Variants in PLEKHG3 observed in about 807,000 individuals in gnomAD.
The protein encoded by PLEKHG3 is pleckstrin homology and RhoGEF domain containing G3.
Under a neutral mutation model 94.9 loss-of-function variants are expected in PLEKHG3, and 62 were observed. That is an observed-to-expected ratio of 0.65 (90% confidence interval 0.53 to 0.81). The LOEUF is 0.81. PLEKHG3 is among the 30% of genes least tolerant of loss of function. PLEKHG3 has a pLI of 0.00. For missense variants in PLEKHG3, 1,461 were observed against 1,619.3 expected (o/e 0.90, Z 1.68); for synonymous variants, 614 against 654.0 (o/e 0.94, Z 0.93).
rs2080946810 is a variant in PLEKHG3 at position 64,704,874 on chromosome 14, C to T, written c.-40+170C>T. ...GGGCCTGGAACTGTGTTGGCTGCTT[C>T]CCGGGCCACCCTGCCGCAGAGTGCG... On this transcript the variant is annotated intron_variant, in intron 1 of 16. Transcript: ENST00000247226. The surrounding 1 kb of genome is among the most constrained non-coding windows in gnomAD (Gnocchi z 5.6). Among the ~76,000 whole-genome samples the T allele has an allele frequency of 6.6e-6, 1 of 152,240 alleles. No homozygotes were observed. The highest frequency in any genetic ancestry group is 2.4e-5 in the African/African-American group (1 of 41,470).
In PLEKHG3 at chr14:64,742,213, T is replaced by C; in HGVS notation, c.2696T>C (p.Leu899Pro). The C allele has an allele frequency of 6.2e-7, 1 of 1,613,012 alleles. No homozygotes were observed. The highest frequency in any genetic ancestry group is 8.5e-7 in the Non-Finnish European group (1 of 1,179,944). Residue 899 changes from leucine (L) to proline (P), a missense_variant, in exon 16 of 17, where the codon CTG (leucine) becomes CCG (proline). Around this residue, in one of 3 missense-constraint regions of PLEKHG3, gnomAD observed 1,201 missense variants for 1,295.5 expected, o/e 0.93. Transcript: ENST00000247226. ...KELSSSTQGE[L>P]VAPLHPRIVQ... ...CTGAGCAGCAGTACCCAGGGGGAGC[T>C]GGTGGCCCCACTGCACCCCCGCATC...
chr14:64,737,128 C>A, intron 13 of PLEKHG3: 1 of 643,600 alleles, frequency 1.6e-6, no homozygotes, highest in Non-Finnish European at 2.9e-6. Context: ...CAATGAGAGC[C>A]GAGCAACAGG....
chr14:64,708,210 C>T (rs558297890), intron 1 of PLEKHG3, among the ~76,000 whole-genome samples: 15 of 152,324 alleles, frequency 9.8e-5, no homozygotes, highest in African/African-American at 3.6e-4. Flanking sequence ...TGCCCACCCC[C>T]ATCCTACAGA....
rs773022974 is a variant in PLEKHG3 at position 64,727,795 on chromosome 14, G to C, written c.164G>C (p.Ser55Thr). The change falls in exon 2 of 17, where the codon AGC becomes ACC. Residue 55 changes from serine to threonine, a missense_variant. Coordinates refer to ENST00000247226, the MANE Select transcript of PLEKHG3 (RefSeq NM_001308147.2). The surrounding 1 kb of genome is among the most constrained non-coding windows in gnomAD (Gnocchi z 6.0). The part of the protein sequence containing the change: ...PAKNGAGSLR[S>T]RHLPNSNNNS... ...AAGAATGGGGCAGGCTCCCTGAGAA[G>C]CCGGCATCTGCCCAACAGCAACAAC... 1.1e-5 allele frequency: 18 copies of C among 1,610,434 alleles called. No homozygotes were observed. The highest frequency in any genetic ancestry group is 1.4e-5 in the Non-Finnish European group (17 of 1,177,422).
chr14:64,708,875 G>T (rs1033177253), intron 1 of PLEKHG3, among the ~76,000 whole-genome samples: 1 of 145,704 alleles, frequency 6.9e-6, no homozygotes, highest in African/African-American at 2.5e-5. Flanking sequence ...CTGTGATGAA[G>T]GAACTTCCTG....
Position 64,748,274 on chromosome 14 carries a change from C to G in PLEKHG3, c.*4571C>G, listed in dbSNP as rs182169209. On this transcript the variant is annotated 3_prime_UTR_variant, in exon 17 of 17. Transcript: ENST00000247226. ...CAGCTGCAGACAGGATGCAATTGAGCATTTGGCTTTGGGATGCTTTACTGC... is the reference window on the plus strand; with the variant it reads ...CAGCTGCAGACAGGATGCAATTGAGGATTTGGCTTTGGGATGCTTTACTGC... 2 of 152,196 alleles carry G rather than the reference C, an allele frequency of 1.3e-5. No individual in the cohort carries two copies. Among genetic ancestry groups the G allele is most frequent in the Admixed American group, 1.3e-4 (2 of 15,298 alleles). The allele number at this position is 152,196 out of a possible 1,614,324, so 9.4% of individuals were successfully genotyped here.
At position 64,730,685 on chromosome 14, in the gene PLEKHG3, C is replaced by G. The variant is rs774858647; in HGVS notation, c.563C>G (p.Pro188Arg). The G allele has an allele frequency of 6.2e-7, 1 of 1,613,508 alleles. No homozygotes were observed. Among genetic ancestry groups the G allele is most frequent in the Non-Finnish European group, 8.5e-7 (1 of 1,179,446 alleles). Reference protein sequence around the residue: ...DIYTQYCNNYPNSVAALTECM... With the variant: ...DIYTQYCNNYRNSVAALTECM... ...TACACTCAGTATTGCAACAATTACC[C>G]CAAGTGAGTAATTGGGGTGAGAGGG... The change falls in exon 5 of 17, where the codon CCC (proline) becomes CGC (arginine). Residue 188 changes from proline (P) to arginine (R), a missense_variant. Physicochemically the swap from Pro to Arg is moderately radical, Grantham distance 103. Transcript: ENST00000247226. The surrounding 1 kb of genome is among the most constrained non-coding windows in gnomAD (Gnocchi z 5.4).
intron 12 of PLEKHG3, among the ~76,000 whole-genome samples, chr14:64,733,710 G>A (rs576118043): frequency 6.6e-6 from 1 of 152,332 alleles, no homozygotes; most frequent in South Asian, 2.1e-4. Context: ...TCAGGAAAAG[G>A]TTCCATTTTC....
intron 1 of PLEKHG3, among the ~76,000 whole-genome samples, chr14:64,719,640 G>A (rs74056396): frequency 0.023 from 3,444 of 151,794 alleles, 135 homozygotes; most frequent in African/African-American, 0.078. Context: ...CTTTTCTGCC[G>A]AGGAAGCAGA....
Position 64,749,869 on chromosome 14 carries a change from C to T in PLEKHG3, c.*6166C>T. ...CATCAGCCTCTTTGATTTGAAAAAC[C>T]CCTGAGGAGCAGCTCAGGCCTGGCA... On this transcript the variant is annotated 3_prime_UTR_variant, in exon 17 of 17. Transcript: ENST00000247226. This position sits in a 1 kb window ranked among gnomAD's most constrained non-coding sequence, Gnocchi z 4.7. 2 of 1,525,136 alleles carry T rather than the reference C, an allele frequency of 1.3e-6. No homozygotes were observed. Among genetic ancestry groups the T allele is most frequent in the Non-Finnish European group, 1.8e-6 (2 of 1,103,086 alleles). The allele number at this position is 1,525,136 out of a possible 1,614,324, so 94.5% of individuals were successfully genotyped here. A position where few individuals can be genotyped will look rare whatever the true frequency, so the allele number is the denominator to read the frequency against.
At position 64,749,743 on chromosome 14, in the gene PLEKHG3, G is replaced by T. The variant is rs779638446; in HGVS notation, c.*6040G>T. 1.2e-6 allele frequency: 2 copies of T among 1,604,022 alleles called. No individual in the cohort carries two copies. The highest frequency in any genetic ancestry group is 3.4e-5 in the Admixed American group (2 of 58,568). On this transcript the variant is annotated 3_prime_UTR_variant, in exon 17 of 17. Transcript: ENST00000247226. This position sits in a 1 kb window ranked among gnomAD's most constrained non-coding sequence, Gnocchi z 4.7. ...TGTCATGGAGACACCTCTGGAGGGG[G>T]CGCTGGGCAGAGGGCTGGCTCTGAT...
intron 1 of PLEKHG3, among the ~76,000 whole-genome samples, chr14:64,712,841 G>A (rs74056388): frequency 0.023 from 3,517 of 152,262 alleles, 141 homozygotes; most frequent in African/African-American, 0.08. Flanking sequence ...TGGAACTCCA[G>A]TATCGAATAT....
rs1566694118 is a variant in PLEKHG3, at chr14:64,716,494, ACAACACACACACACAC to A, written c.-39-11098_-39-11083del. 1.3e-4 allele frequency among the ~76,000 whole-genome samples: 11 copies of A among 83,210 alleles called. No individual in the cohort carries two copies. The highest frequency in any genetic ancestry group is 5.0e-4 in the African/African-American group (11 of 21,886). 54.6% of individuals were successfully genotyped at this position (83,210 alleles called of 152,430 possible). On this transcript the variant is annotated intron_variant, in intron 1 of 16. Transcript: ENST00000247226. This position sits in a 1 kb window ranked among gnomAD's most constrained non-coding sequence, Gnocchi z 5.0. ...ACACACACACACAACACACACACACACAACACACACACACACACACACACACACACACACACACACA... is the reference window on the plus strand; with the variant it reads ...ACACACACACACAACACACACACACAACACACACACACACACACACACACA...
Position 64,730,766 on chromosome 14 carries a change from C to G in PLEKHG3, c.567-33C>G, listed in dbSNP as rs1251402508. The G allele has an allele frequency of 1.9e-6, 3 of 1,612,358 alleles. No homozygotes were observed. Among genetic ancestry groups the G allele is most frequent in the Non-Finnish European group, 2.5e-6 (3 of 1,178,738 alleles). ...CCCCACTTCCTCATCCAGGCCTTCC[C>G]CAGGTGGTGACTGGCCCTTCTCCCA... On this transcript the variant is annotated intron_variant, in intron 5 of 16. Coordinates refer to ENST00000247226, the MANE Select transcript of PLEKHG3 (RefSeq NM_001308147.2). The surrounding 1 kb of genome is among the most constrained non-coding windows in gnomAD (Gnocchi z 5.4).
rs2081642332 is a variant in PLEKHG3 at position 64,739,521 on chromosome 14, G to A, written c.1518+666G>A. Among the ~76,000 whole-genome samples the A allele has an allele frequency of 6.6e-6, 1 of 152,244 alleles. No individual in the cohort carries two copies. The highest frequency in any genetic ancestry group is 6.5e-5 in the Admixed American group (1 of 15,286). On this transcript the variant is annotated intron_variant, in intron 15 of 16. Coordinates refer to ENST00000247226, the MANE Select transcript of PLEKHG3 (RefSeq NM_001308147.2). The surrounding 1 kb of genome is among the most constrained non-coding windows in gnomAD (Gnocchi z 4.1). ...TCGTGAGCTACAGCCTGGACCCCAT[G>A]TTGGACCCCACAGCCAGGACTGAGA...
chr14:64,723,301 G>A lies in PLEKHG3; in HGVS notation c.-39-4292G>A, dbSNP rs1484907784. Among the ~76,000 whole-genome samples the A allele has an allele frequency of 6.6e-6, 1 of 152,138 alleles. No individual in the cohort carries two copies. Among genetic ancestry groups the A allele is most frequent in the Non-Finnish European group, 1.5e-5 (1 of 68,032 alleles). On this transcript the variant is annotated intron_variant, in intron 1 of 16. Coordinates refer to ENST00000247226, the MANE Select transcript of PLEKHG3 (RefSeq NM_001308147.2). This position sits in a 1 kb window ranked among gnomAD's most constrained non-coding sequence, Gnocchi z 4.5. ...CAAAAAGAAAGCCTGGCTGGGTGTGGTGGCTCACACCTGTTAATCCCAGCA... is the reference window on the plus strand; with the variant it reads ...CAAAAAGAAAGCCTGGCTGGGTGTGATGGCTCACACCTGTTAATCCCAGCA...
At position 64,718,331 on chromosome 14, in the gene PLEKHG3, A is replaced by G. The variant is rs147094806; in HGVS notation, c.-39-9262A>G. On this transcript the variant is annotated intron_variant, in intron 1 of 16. Transcript: ENST00000247226. This position sits in a 1 kb window ranked among gnomAD's most constrained non-coding sequence, Gnocchi z 5.0. ...TCATGTCATATCCCCAGGCCCTGGC[A>G]TTCATGTTCAGGAGTGTTGAATGAA... Among the ~76,000 whole-genome samples, 21 of 152,314 alleles carry G rather than the reference A, an allele frequency of 1.4e-4. No homozygotes were observed. In the East Asian group the frequency reaches 3.5e-3, roughly 25 times the overall value.
chr14:64,712,845 C>G (rs538508544), intron 1 of PLEKHG3, among the ~76,000 whole-genome samples: 5 of 152,150 alleles, frequency 3.3e-5, no homozygotes, highest in African/African-American at 1.2e-4. Context: ...ACTCCAGTAT[C>G]GAATATAGTG....
In PLEKHG3 at chr14:64,742,174, AG is replaced by A; in HGVS notation, c.2658del (p.Glu886AspfsTer3). The A allele has an allele frequency of 6.2e-7, 1 of 1,612,718 alleles. No individual in the cohort carries two copies. The highest frequency in any genetic ancestry group is 8.5e-7 in the Non-Finnish European group (1 of 1,179,986). ...GCCCACCTGGCCCGGGAGCTGAAAG[AG>A]CTGGTGAAGGAGCTGAGCAGCAGTA... ...SPAHLARELK[E>X]LVKELSSSTQ... is the part of the protein sequence containing the mutation. On this transcript the variant is annotated frameshift_variant, in exon 16 of 17. Transcript: ENST00000247226. LOFTEE classifies it high-confidence loss of function.
Sources: allele counts gnomAD v4.1 joint callset (sites outside exome capture counted in the v4.1 genomes callset), GRCh38; gene constraint gnomAD v4.1.1; regional missense constraint gnomAD v4.1.1; non-coding constraint Gnocchi (gnomAD v3.1); transcripts MANE v1.5; gene names NCBI Gene and HGNC (gene_info 2026-07-23, HGNC 2026-07-21).